Variants in ASPH observed in about 807,000 individuals in gnomAD.
ASPH encodes aspartyl/asparaginyl beta-hydroxylase.
In ASPH, 100 loss-of-function variants were observed where a neutral mutation model predicts 118.4. The observed-to-expected ratio is 0.84, with a 90% CI of 0.72 to 1.00. ASPH has a LOEUF of 1.00. ASPH is among the 50% of genes least tolerant of loss of function. ASPH has a pLI of 0.00. For missense variants in ASPH, 920 were observed against 919.5 expected (o/e 1.00, Z -0.01); for synonymous variants, 315 against 325.6 (o/e 0.97, Z 0.35).
At chr8:61,661,040 T>C (rs1183749960) in intron 3 of ASPH, 1 of 152,258 alleles carries the variant, frequency 6.6e-6, no homozygotes, top group Non-Finnish European at 1.5e-5. Context: ...CCTTCATATC[T>C]TGTGTTTTCA....
rs1488955602 is a variant in ASPH at position 61,500,942 on chromosome 8, C to CATCA, written c.*2413_*2416dup. Reference sequence around the variant, plus strand: ...TATTACTAATCTTAATTATTTATTACATCATCTCTTTCTCAATGGATCTAA... The same window carrying CATCA: ...TATTACTAATCTTAATTATTTATTACATCAATCATCTCTTTCTCAATGGATCTAA... On this transcript the variant is annotated 3_prime_UTR_variant, in exon 25 of 25. Transcript: ENST00000379454. 1 of 152,068 alleles carries CATCA rather than the reference C, an allele frequency of 6.6e-6. No individual in the cohort carries two copies. The highest frequency in any genetic ancestry group is 1.5e-5 in the Non-Finnish European group (1 of 67,998). 9.4% of individuals were successfully genotyped at this position (152,068 alleles called of 1,614,324 possible).
At chr8:61,708,457 A>G (rs1308067563) in intron 1 of ASPH, among the ~76,000 whole-genome samples, 1 of 152,238 alleles carries the variant, frequency 6.6e-6, no homozygotes, top group African/African-American at 2.4e-5. Context: ...AGTGAAACTA[A>G]GACCAAAAGA....
At chr8:61,561,148 T>C (rs114869348) in intron 18 of ASPH, among the ~76,000 whole-genome samples, 2 of 115,384 alleles carry the variant, frequency 1.7e-5, no homozygotes, top group African/African-American at 7.3e-5. Flanking sequence ...GGAAGGAAGT[T>C]AGGAATTCTA....
chr8:61,586,036 T>G (rs1011137741), intron 14 of ASPH, among the ~76,000 whole-genome samples: 1 of 152,244 alleles, frequency 6.6e-6, no homozygotes, highest in Non-Finnish European at 1.5e-5. Context: ...CTATTTGTTC[T>G]GTTTCTTCCT....
At chr8:61,567,342 T>C in intron 16 of ASPH, 24 bp from the exon 17 acceptor site, 1 of 1,600,952 alleles carries the variant, frequency 6.2e-7, no homozygotes, top group South Asian at 1.1e-5. Flanking sequence ...CCAGACTGGA[T>C]AAATGTCCCA....
At chr8:61,641,297 T>A (rs4129527) in intron 10 of ASPH, among the ~76,000 whole-genome samples, 4,018 of 152,266 alleles carry the variant, frequency 0.026, 154 homozygotes, top group African/African-American at 0.091. Flanking sequence ...GATTTAGTCT[T>A]CAAATTGCAT....
Position 61,653,637 on chromosome 8 carries a change from C to G in ASPH, c.346G>C (p.Glu116Gln). Residue 116 changes from glutamate (E) to glutamine (Q), a missense_variant, in exon 4 of 25, where the codon GAG becomes CAG. Glu to Gln is a conservative substitution (Grantham distance 29, BLOSUM62 2). Coordinates refer to ENST00000379454, the MANE Select transcript of ASPH (RefSeq NM_004318.4). ...LLGLKERSTS[E>Q]PAVPPEEAEP... ...GCCTCTTCTGGCGGGACTGCTGGCT[C>G]TGAAGTAGATCTCTCTTTAAGTCCT... The G allele has an allele frequency of 6.2e-7, 1 of 1,613,894 alleles. No individual in the cohort carries two copies. The highest frequency in any genetic ancestry group is 2.2e-5 in the East Asian group (1 of 44,834).
intron 1 of ASPH, among the ~76,000 whole-genome samples, chr8:61,700,241 T>C (rs1426629922): frequency 6.6e-6 from 1 of 152,184 alleles, no homozygotes; most frequent in Non-Finnish European, 1.5e-5. Context: ...CAGTCAATCT[T>C]ATCAACTTAG....
At chr8:61,505,511 A>G (rs1355390694) in intron 24 of ASPH, among the ~76,000 whole-genome samples, 2 of 151,220 alleles carry the variant, frequency 1.3e-5, no homozygotes, top group African/African-American at 4.8e-5. Context: ...AAAAAAAAAA[A>G]AAAGAAGTGC....
intron 15 of ASPH, among the ~76,000 whole-genome samples, chr8:61,577,075 G>T (rs1441460033): frequency 6.6e-6 from 1 of 151,844 alleles, no homozygotes; most frequent in Non-Finnish European, 1.5e-5. Flanking sequence ...AAGACAGAAG[G>T]ACAGAAAACC....
chr8:61,517,743 A>G, intron 23 of ASPH, 82 bp from the exon 24 acceptor site: 3 of 1,510,654 alleles, frequency 2.0e-6, no homozygotes, highest in Non-Finnish European at 2.7e-6. Context: ...GTACAAAATT[A>G]CTGTCAGTTT....
At chr8:61,612,508 G>A (rs1224171956) in intron 14 of ASPH, among the ~76,000 whole-genome samples, 1 of 151,898 alleles carries the variant, frequency 6.6e-6, no homozygotes, top group Non-Finnish European at 1.5e-5. Flanking sequence ...CAAGTAGCTG[G>A]GATTACAGGC....
intron 13 of ASPH, among the ~76,000 whole-genome samples, chr8:61,629,355 T>G (rs1441911342): frequency 6.6e-6 from 1 of 152,238 alleles, no homozygotes; most frequent in African/African-American, 2.4e-5. Context: ...CTTTCACAAG[T>G]AATTCCTTCA....
intron 14 of ASPH, among the ~76,000 whole-genome samples, chr8:61,585,206 G>C (rs953021095): frequency 2.0e-5 from 3 of 152,136 alleles, no homozygotes; most frequent in Admixed American, 1.3e-4. Context: ...CCTCCCGAAG[G>C]CAAGGCACAC....
At chr8:61,561,310 G>A (rs13253460) in intron 18 of ASPH, among the ~76,000 whole-genome samples, 98,338 of 152,078 alleles carry the variant, frequency 0.65, 35,792 homozygotes, top group Non-Finnish European at 0.82. Flanking sequence ...AGTGTTATGT[G>A]TTGGCCATTA....
At chr8:61,578,788 A>G in intron 15 of ASPH, 1 of 1,594,992 alleles carries the variant, frequency 6.3e-7, no homozygotes, top group Non-Finnish European at 8.6e-7. Flanking sequence ...ACAGAGATGG[A>G]GAATGAATTT....
intron 18 of ASPH, among the ~76,000 whole-genome samples, chr8:61,561,381 C>T (rs984537502): frequency 5.9e-5 from 9 of 152,234 alleles, no homozygotes; most frequent in African/African-American, 2.2e-4. Context: ...TAGTAAATGG[C>T]ACACATTGTC....
At chr8:61,664,790 G>T in intron 3 of ASPH, 4 of 987,170 alleles carry the variant, frequency 4.1e-6, no homozygotes, top group Non-Finnish European at 4.8e-6. Flanking sequence ...GCCTGGGGAG[G>T]TGTCCACGAA....
intron 14 of ASPH, among the ~76,000 whole-genome samples, chr8:61,598,006 C>G (rs1409966828): frequency 1.3e-5 from 2 of 152,080 alleles, no homozygotes; most frequent in African/African-American, 4.8e-5. Flanking sequence ...CAAATGTTAC[C>G]AGTACAGAAA....
Sources: allele counts gnomAD v4.1 joint callset (sites outside exome capture counted in the v4.1 genomes callset), GRCh38; gene constraint gnomAD v4.1.1; transcripts MANE v1.5; gene names NCBI Gene and HGNC (gene_info 2026-07-23, HGNC 2026-07-21).